FRMD4B: variants seen among roughly 807,000 people sequenced by gnomAD.
FRMD4B encodes the protein FERM domain containing 4B.
Under a neutral mutation model 141.5 loss-of-function variants are expected in FRMD4B, and 74 were observed. That is an observed-to-expected ratio of 0.52 (90% confidence interval 0.43 to 0.63). The LOEUF (loss-of-function observed/expected upper bound fraction) is 0.63. Among genes scored for constraint, FRMD4B ranks in the 30% least tolerant of loss-of-function variants. The pLI is 0.00. For missense variants in FRMD4B, 1,366 were observed against 1,253.4 expected (o/e 1.09, Z -1.36); for synonymous variants, 506 against 467.9 (o/e 1.08, Z -1.05).
chr3:69,253,181 C>CTTTTTTTTTTTTTTTTTTTTTT (rs781662739), intron 5 of FRMD4B, among the ~76,000 whole-genome samples: 2 of 121,952 alleles, frequency 1.6e-5, no homozygotes, highest in African/African-American at 3.1e-5. Context: ...AATATGATTC[C>CTTTTTTTTTTTTTTTTTTTTTT]TATTTTTTTT....
intron 4 of FRMD4B, among the ~76,000 whole-genome samples, chr3:69,298,336 T>C (rs1701100207): frequency 6.6e-6 from 1 of 152,272 alleles, no homozygotes; most frequent in Non-Finnish European, 1.5e-5. Flanking sequence ...CTCCAGTGAA[T>C]GTGTAGTGAG....
intron 2 of FRMD4B, among the ~76,000 whole-genome samples, chr3:69,401,357 G>A (rs1704560993): frequency 6.6e-6 from 1 of 152,150 alleles, no homozygotes; most frequent in African/African-American, 2.4e-5. Context: ...AGCAATTTTA[G>A]CAATCAGAAA....
chr3:69,363,299 G>T (rs1184839919), intron 1 of FRMD4B, among the ~76,000 whole-genome samples: 2 of 142,638 alleles, frequency 1.4e-5, no homozygotes, highest in Admixed American at 1.4e-4. Context: ...TGCCCGGGCT[G>T]GTCTTGAACT....
chr3:69,250,148 T>C, intron 5 of FRMD4B, 49 bp from the exon 6 acceptor site: 1 of 1,252,272 alleles, frequency 8.0e-7, no homozygotes, highest in Non-Finnish European at 1.2e-6. Flanking sequence ...TGTCCTAGAT[T>C]GTAGCAAATG....
At chr3:69,257,167 A>G (rs2106827037) in intron 5 of FRMD4B, among the ~76,000 whole-genome samples, 1 of 152,344 alleles carries the variant, frequency 6.6e-6, no homozygotes, top group East Asian at 1.9e-4. Flanking sequence ...GGGTTAGGCT[A>G]GAATAATCAG....
intron 1 of FRMD4B, among the ~76,000 whole-genome samples, chr3:69,333,543 T>A (rs907679091): frequency 7.9e-5 from 12 of 152,228 alleles, no homozygotes; most frequent in Non-Finnish European, 1.6e-4. Flanking sequence ...GAATTCTGCC[T>A]TAGTTGCTAC....
intron 1 of FRMD4B, among the ~76,000 whole-genome samples, chr3:69,534,025 T>C (rs568716517): frequency 6.6e-6 from 1 of 152,222 alleles, no homozygotes; most frequent in Middle Eastern, 3.2e-3. Flanking sequence ...ACCAGCACCG[T>C]TGGCATCACC....
At chr3:69,342,093 C>A (rs1449049650) in intron 1 of FRMD4B, among the ~76,000 whole-genome samples, 1 of 152,192 alleles carries the variant, frequency 6.6e-6, no homozygotes, top group Non-Finnish European at 1.5e-5. Flanking sequence ...CTTGCAAACA[C>A]TTCCCCCCAC....
chr3:69,408,505 A>G (rs1036383269), intron 2 of FRMD4B, among the ~76,000 whole-genome samples: 1 of 152,200 alleles, frequency 6.6e-6, no homozygotes, highest in African/African-American at 2.4e-5. Context: ...ACCCACCAGC[A>G]CTTGGAGAAC....
At chr3:69,534,301 G>A (rs2107163578) in intron 1 of FRMD4B, among the ~76,000 whole-genome samples, 1 of 152,318 alleles carries the variant, frequency 6.6e-6, no homozygotes, top group Non-Finnish European at 1.5e-5. Context: ...CAGCAAGGGA[G>A]AAAGGAATAT....
chr3:69,310,609 GAGAA>G (rs1211251962), intron 3 of FRMD4B: 3 of 299,506 alleles, frequency 1.0e-5, no homozygotes, highest in Middle Eastern at 4.4e-4. Context: ...GAGAGAGAGA[GAGAA>G]AAGAGCTAGT....
chr3:69,458,710 G>T (rs1705656530), intron 1 of FRMD4B, among the ~76,000 whole-genome samples: 1 of 152,078 alleles, frequency 6.6e-6, no homozygotes, highest in African/African-American at 2.4e-5. Flanking sequence ...TGGCCATTAT[G>T]ATTCAAACAT....
At chr3:69,414,954 C>T (rs563518566) in intron 2 of FRMD4B, among the ~76,000 whole-genome samples, 1 of 151,226 alleles carries the variant, frequency 6.6e-6, no homozygotes, top group East Asian at 2.0e-4. Context: ...CAACCTCCGC[C>T]TCCCGGGTTC....
intron 1 of FRMD4B, among the ~76,000 whole-genome samples, chr3:69,382,304 T>G (rs1037351661): frequency 2.6e-5 from 4 of 152,190 alleles, no homozygotes; most frequent in Admixed American, 2.0e-4. Context: ...CCTCCCAAAG[T>G]GCTGGGATTA....
chr3:69,480,487 G>C (rs1193814635), intron 1 of FRMD4B, among the ~76,000 whole-genome samples: 1 of 152,200 alleles, frequency 6.6e-6, no homozygotes, highest in East Asian at 1.9e-4. Flanking sequence ...GACGCTGTTT[G>C]CCTGGGTATC....
chr3:69,520,495 C>T (rs1700838932), intron 1 of FRMD4B, among the ~76,000 whole-genome samples: 3 of 151,224 alleles, frequency 2.0e-5, no homozygotes, highest in Admixed American at 6.6e-5. Flanking sequence ...CCTGCAACCT[C>T]TCTTCTGGGC....
chr3:69,281,201 C>T (rs2093643032), intron 5 of FRMD4B, among the ~76,000 whole-genome samples: 1 of 152,102 alleles, frequency 6.6e-6, no homozygotes, highest in African/African-American at 2.4e-5. Context: ...CCCAAAAGTG[C>T]CGGGATTACA....
rs114746311 is a variant in FRMD4B at position 69,430,696 on chromosome 3, C to T, written c.-1+1938G>A. Among the ~76,000 whole-genome samples the T allele has an allele frequency of 3.8e-3, 581 of 152,234 alleles. 3 individuals carry two copies. The highest frequency in any genetic ancestry group is 5.0e-3 in the Non-Finnish European group (342 of 68,016). On this transcript the variant is annotated intron_variant, in intron 2 of 5. Coordinates refer to the FRMD4B transcript ENST00000459638. Reference sequence around the variant, plus strand: ...GAGACAAATTAATTCATGGTAGTAACGAGTGCTATAAAGAAAACAGGGAAG... The same window carrying T: ...GAGACAAATTAATTCATGGTAGTAATGAGTGCTATAAAGAAAACAGGGAAG...
chr3:69,304,495 A>AC (rs1283752111), intron 3 of FRMD4B, among the ~76,000 whole-genome samples: 6 of 151,788 alleles, frequency 4.0e-5, no homozygotes, highest in African/African-American at 1.2e-4. Context: ...AAAAAAAAAA[A>AC]AAAAAAAAAA....
Sources: allele counts gnomAD v4.1 joint callset (sites outside exome capture counted in the v4.1 genomes callset), GRCh38; gene constraint gnomAD v4.1.1; transcripts MANE v1.5; gene names NCBI Gene and HGNC (gene_info 2026-07-23, HGNC 2026-07-21).